The following ATF2 variants were observed in gnomAD, a reference collection of about 807,000 sequenced individuals.
ATF2 encodes cyclic AMP-dependent transcription factor ATF-2.
In ATF2, 24 loss-of-function variants were observed where a neutral mutation model predicts 60.6. That is an observed-to-expected ratio of 0.40 (90% CI 0.29 to 0.56). The LOEUF (loss-of-function observed/expected upper bound fraction) is 0.56, where lower values mean the gene tolerates loss of function less well. Among genes scored for constraint, ATF2 ranks in the 20% least tolerant of loss-of-function variants. The pLI is 0.54. For missense variants in ATF2, 433 were observed against 607.7 expected, an observed-to-expected ratio of 0.71 and a Z score of 3.02; for synonymous variants, 206 against 215.4, an observed-to-expected ratio of 0.96 and a Z score of 0.38.
chr2:175,109,053 C>T (rs1282519692), intron 10 of ATF2, among the ~76,000 whole-genome samples: 2 of 151,632 alleles, frequency 1.3e-5, no homozygotes, highest in Non-Finnish European at 2.9e-5. Context: ...GCAGGGTCCT[C>T]TGCATAGGAA....
chr2:175,117,921 A>G, intron 7 of ATF2, 69 bp downstream of exon 7: 7 of 1,445,768 alleles, frequency 4.8e-6, no homozygotes, highest in Non-Finnish European at 6.5e-6. Flanking sequence ...CATTTTATGG[A>G]GATTAAATAG....
chr2:175,154,481 T>A (rs6728273), intron 1 of ATF2, among the ~76,000 whole-genome samples: 12,001 of 151,688 alleles, frequency 0.079, 473 homozygotes, highest in Middle Eastern at 0.17. Context: ...AAACTTTTTT[T>A]TAAAAAAAAG....
intron 10 of ATF2, among the ~76,000 whole-genome samples, chr2:175,110,543 T>C (rs891121380): frequency 1.3e-5 from 2 of 152,198 alleles, no homozygotes; most frequent in Admixed American, 1.3e-4. Flanking sequence ...TTAATCGATG[T>C]TATTAATTAA....
chr2:175,085,685 A>C (rs1484069900), intron 12 of ATF2, among the ~76,000 whole-genome samples: 3 of 151,944 alleles, frequency 2.0e-5, no homozygotes, highest in Admixed American at 2.0e-4. Context: ...TGGTATTCAG[A>C]CTGTTGATCT....
chr2:175,160,722 G>A (rs746807817), intron 1 of ATF2, among the ~76,000 whole-genome samples: 3 of 152,070 alleles, frequency 2.0e-5, no homozygotes, highest in Non-Finnish European at 4.4e-5. Flanking sequence ...GGTTTCCCTA[G>A]AATGTTTATA....
intron 5 of ATF2, among the ~76,000 whole-genome samples, chr2:175,120,107 G>A (rs1696851995): frequency 6.6e-6 from 1 of 151,682 alleles, no homozygotes; most frequent in Non-Finnish European, 1.5e-5. Flanking sequence ...AGACAGGAAA[G>A]TAATTTCTAG....
intron 13 of ATF2, chr2:175,075,192 C>A (rs1249006245): frequency 6.5e-6 from 4 of 617,764 alleles, no homozygotes; most frequent in Non-Finnish European, 9.1e-6. Context: ...GTCTGGTTGG[C>A]CTACATGTCA....
intron 11 of ATF2, among the ~76,000 whole-genome samples, chr2:175,096,389 T>C (rs1238928959): frequency 2.0e-5 from 3 of 152,226 alleles, no homozygotes; most frequent in African/African-American, 7.2e-5. Flanking sequence ...AGGAATCATT[T>C]GATTTATGTT....
intron 12 of ATF2, chr2:175,092,580 G>C (rs1282257070): frequency 2.2e-6 from 1 of 453,100 alleles, no homozygotes; most frequent in Non-Finnish European, 4.5e-6. Flanking sequence ...AGTTTCCAAA[G>C]CTGTCAATCT....
At chr2:175,137,899 A>G (rs949207381) in intron 2 of ATF2, among the ~76,000 whole-genome samples, 1 of 152,188 alleles carries the variant, frequency 6.6e-6, no homozygotes, top group Non-Finnish European at 1.5e-5. Context: ...GACAGAAACG[A>G]TAACAATTCT....
At chr2:175,087,156 T>C in intron 12 of ATF2, among the ~76,000 whole-genome samples, 1 of 152,336 alleles carries the variant, frequency 6.6e-6, no homozygotes, top group Non-Finnish European at 1.5e-5. Flanking sequence ...CTTCTGGTTG[T>C]ACTATCTACT....
intron 13 of ATF2, among the ~76,000 whole-genome samples, chr2:175,076,421 T>C (rs1266119991): frequency 6.6e-6 from 1 of 151,926 alleles, no homozygotes; most frequent in Non-Finnish European, 1.5e-5. Context: ...TAAAAAAAAT[T>C]ATAGATTCAG....
chr2:175,083,364 G>A (rs62183057), intron 12 of ATF2, among the ~76,000 whole-genome samples: 43 of 152,190 alleles, frequency 2.8e-4, no homozygotes, highest in Middle Eastern at 3.4e-3. Context: ...CTATCTGATC[G>A]TTGACAAACC....
intron 3 of ATF2, among the ~76,000 whole-genome samples, chr2:175,133,826 T>C (rs1381419915): frequency 2.0e-5 from 3 of 152,074 alleles, no homozygotes; most frequent in Non-Finnish European, 2.9e-5. Flanking sequence ...AAAGAAAAGA[T>C]TGATAAAACA....
intron 12 of ATF2, among the ~76,000 whole-genome samples, chr2:175,088,009 G>A (rs1354586341): frequency 1.3e-5 from 2 of 152,240 alleles, no homozygotes; most frequent in Admixed American, 1.3e-4. Context: ...GCACATAATA[G>A]ATGCATAATG....
chr2:175,144,450 G>C (rs1287277802), intron 2 of ATF2, among the ~76,000 whole-genome samples: 4 of 152,168 alleles, frequency 2.6e-5, no homozygotes, highest in Non-Finnish European at 4.4e-5. Flanking sequence ...AATAAGAAAA[G>C]AGAATAATAA....
chr2:175,142,706 AGAGAGAGAGAGAGAGT>A (rs1484521354), intron 2 of ATF2, among the ~76,000 whole-genome samples: 6 of 124,766 alleles, frequency 4.8e-5, no homozygotes, highest in African/African-American at 1.4e-4. Context: ...AGAGAGAGAG[AGAGAGAGAGAGAGAGT>A]GTGTGTGTGT....
At chr2:175,080,093 A>T (rs1263924266) in intron 13 of ATF2, among the ~76,000 whole-genome samples, 1 of 152,184 alleles carries the variant, frequency 6.6e-6, no homozygotes, top group East Asian at 1.9e-4. Context: ...TTTAGCAGGA[A>T]ATTTACAAGC....
chr2:175,125,805 A>C (rs997132281), intron 4 of ATF2, among the ~76,000 whole-genome samples: 7 of 152,162 alleles, frequency 4.6e-5, no homozygotes, highest in Non-Finnish European at 7.4e-5. Context: ...AAAACTGTGC[A>C]GTATGGTCCC....
Sources: gnomAD v4.1 joint callset for allele counts (sites outside exome capture counted in the v4.1 genomes callset) on GRCh38, gnomAD v4.1.1 for gene constraint, MANE v1.5 for transcripts, NCBI Gene and HGNC (gene_info 2026-07-23, HGNC 2026-07-21) for gene names.